The following TOM1L2 variants were observed in gnomAD, a reference collection of about 807,000 sequenced individuals.
The protein encoded by TOM1L2 is TOM1-like protein 2.
TOM1L2 carries 31 observed loss-of-function variants against 67.9 expected under a neutral mutation model. The observed-to-expected ratio is 0.46, with a 90% CI of 0.34 to 0.62. The LOEUF (loss-of-function observed/expected upper bound fraction) is 0.62. Ranked by LOEUF, TOM1L2 falls within the 20% of genes least tolerant of loss-of-function variation. The pLI is 0.01. For synonymous variants in TOM1L2, 256 were observed against 254.0 expected (o/e 1.01, Z -0.07); for missense variants, 606 against 663.5 (o/e 0.91, Z 0.95).
chr17:17,870,498 C>T (rs1211528727), intron 7 of TOM1L2, among the ~76,000 whole-genome samples: 1 of 152,208 alleles, frequency 6.6e-6, no homozygotes. Flanking sequence ...GTGTGCCATA[C>T]AGGGTTAAAG....
At position 17,884,635 on chromosome 17, in the gene TOM1L2, C is replaced by G. The variant is rs773028858; in HGVS notation, c.500G>C (p.Arg167Pro). The G allele has an allele frequency of 6.2e-7, 1 of 1,614,006 alleles. No individual in the cohort carries two copies. Residue 167 changes from arginine (R) to proline (P), a missense_variant and splice_region_variant, in exon 5 of 15, where the codon CGG (arginine) becomes CCG (proline). Arg to Pro is a moderately radical substitution (Grantham distance 103). This residue lies in a region of TOM1L2 where 543 missense variants were observed against 554.0 expected (regional missense o/e 0.98). Transcript: ENST00000379504. ...DALSPIHTPQ[R>P]SVPEVDPAAT... ...AGAAAGTGCCAGCTGGAAGCTTACCCGCTGTGGTGTGTGTATGGGAGACAG... is the reference window on the plus strand; with the variant it reads ...AGAAAGTGCCAGCTGGAAGCTTACCGGCTGTGGTGTGTGTATGGGAGACAG...
intron 1 of TOM1L2, among the ~76,000 whole-genome samples, chr17:17,969,159 C>T (rs1333060533): frequency 6.6e-6 from 1 of 151,508 alleles, no homozygotes; most frequent in Non-Finnish European, 1.5e-5. Context: ...CAGGTTCAAG[C>T]GATTCTCCTG....
intron 2 of TOM1L2, among the ~76,000 whole-genome samples, chr17:17,900,278 G>C (rs1427548937): frequency 6.6e-6 from 1 of 151,656 alleles, no homozygotes; most frequent in African/African-American, 2.4e-5. Flanking sequence ...CCAGGACTTT[G>C]GGAGGCCGAG....
intron 1 of TOM1L2, among the ~76,000 whole-genome samples, chr17:17,967,232 AC>A (rs2041904295): frequency 6.6e-6 from 1 of 152,280 alleles, no homozygotes; most frequent in Non-Finnish European, 1.5e-5. Context: ...AAACTCTGCA[AC>A]AGAATATCTG....
chr17:17,934,419 G>A (rs1440845168), intron 1 of TOM1L2, among the ~76,000 whole-genome samples: 1 of 152,114 alleles, frequency 6.6e-6, no homozygotes, highest in African/African-American at 2.4e-5. Context: ...TCCAGCCAGG[G>A]AGACAGAGTG....
intron 1 of TOM1L2, among the ~76,000 whole-genome samples, chr17:17,911,777 T>C (rs2144488401): frequency 6.8e-6 from 1 of 147,600 alleles, no homozygotes; most frequent in South Asian, 2.2e-4. Context: ...AGGTCTCTGG[T>C]TTTCCTAGGC....
chr17:17,898,520 G>C, intron 3 of TOM1L2, 76 bp downstream of exon 3: 2 of 1,466,436 alleles, frequency 1.4e-6, no homozygotes, highest in Non-Finnish European at 1.9e-6. Context: ...GCAGAGGGAA[G>C]GCCCTGTGAG....
chr17:17,936,585 T>TAA (rs1385431026), intron 1 of TOM1L2, among the ~76,000 whole-genome samples: 2 of 152,096 alleles, frequency 1.3e-5, no homozygotes, highest in African/African-American at 4.8e-5. Context: ...AGAAAAGAAA[T>TAA]AATCTAAATG....
At chr17:17,922,455 T>G (rs2039916154) in intron 1 of TOM1L2, among the ~76,000 whole-genome samples, 1 of 152,050 alleles carries the variant, frequency 6.6e-6, no homozygotes, top group Admixed American at 6.5e-5. Context: ...GGTAACAGCA[T>G]GGGGGCTGTA....
At chr17:17,873,160 C>T (rs1432174837) in intron 7 of TOM1L2, among the ~76,000 whole-genome samples, 1 of 152,214 alleles carries the variant, frequency 6.6e-6, no homozygotes, top group Non-Finnish European at 1.5e-5. Context: ...ACTCATCCTT[C>T]AAGGCCTCAG....
At chr17:17,917,307 C>T (rs1044968656) in intron 1 of TOM1L2, among the ~76,000 whole-genome samples, 8 of 151,948 alleles carry the variant, frequency 5.3e-5, no homozygotes, top group Non-Finnish European at 1.0e-4. Context: ...GCACTCCAGC[C>T]TGGGCGACAG....
At chr17:17,920,628 GC>G (rs2039822773) in intron 1 of TOM1L2, among the ~76,000 whole-genome samples, 1 of 146,828 alleles carries the variant, frequency 6.8e-6, no homozygotes, top group African/African-American at 2.5e-5. Flanking sequence ...GTGAGCCACT[GC>G]GCCCGGCTTT....
At chr17:17,930,623 T>G (rs2040292242) in intron 1 of TOM1L2, among the ~76,000 whole-genome samples, 1 of 152,222 alleles carries the variant, frequency 6.6e-6, no homozygotes, top group Non-Finnish European at 1.5e-5. Context: ...AGCCCTTTAT[T>G]AACTTTCCTT....
chr17:17,940,677 T>C (rs1345236974), intron 1 of TOM1L2, among the ~76,000 whole-genome samples: 2 of 152,196 alleles, frequency 1.3e-5, no homozygotes, highest in African/African-American at 4.8e-5. Context: ...AGGCAAATTC[T>C]TTTCCTAATT....
In TOM1L2 at chr17:17,907,505, T is replaced by G; in HGVS notation, c.79A>C (p.Ser27Arg). ...TCCATATTCAACGTCCAATCCTCACTTTGCAGGGAGCCATCTGTTGCCTTT... is the reference window on the plus strand; with the variant it reads ...TCCATATTCAACGTCCAATCCTCACGTTGCAGGGAGCCATCTGTTGCCTTT... Reference protein sequence around the residue: ...LEKATDGSLQSEDWTLNMEIC... With the variant: ...LEKATDGSLQREDWTLNMEIC... The change falls in exon 2 of 15, where the codon AGT becomes CGT. Residue 27 changes from serine (S) to arginine (R), a missense_variant. Transcript: ENST00000379504. 1 of 1,614,008 alleles carries G rather than the reference T, an allele frequency of 6.2e-7. No homozygotes were observed. The highest frequency in any genetic ancestry group is 1.1e-5 in the South Asian group (1 of 91,078).
At chr17:17,891,593 C>G (rs2038276704) in intron 4 of TOM1L2, among the ~76,000 whole-genome samples, 1 of 152,214 alleles carries the variant, frequency 6.6e-6, no homozygotes, top group East Asian at 1.9e-4. Flanking sequence ...GCTAGCCACC[C>G]TGCTGGGCCC....
intron 7 of TOM1L2, among the ~76,000 whole-genome samples, chr17:17,878,551 C>G (rs2143994189): frequency 6.6e-6 from 1 of 152,336 alleles, no homozygotes; most frequent in South Asian, 2.1e-4. Flanking sequence ...TAAGCAGCAA[C>G]TTGGGACCAG....
At position 17,970,924 on chromosome 17, in the gene TOM1L2, C is replaced by G. The variant is rs535911441; in HGVS notation, c.52+1338G>C. On this transcript the variant is annotated intron_variant, in intron 1 of 14. Transcript: ENST00000379504. Reference sequence around the variant, plus strand: ...GAATCCAGTTTTCAAACAAACTAATCAGCATTCTTGACTGATCAAGTGGCA... The same window carrying G: ...GAATCCAGTTTTCAAACAAACTAATGAGCATTCTTGACTGATCAAGTGGCA... Among the ~76,000 whole-genome samples, 3 of 152,198 alleles carry G rather than the reference C, an allele frequency of 2.0e-5. No homozygotes were observed. The South Asian group carries it at 6.2e-4, about 31-fold the overall frequency.
At chr17:17,912,594 C>T (rs1208609288) in intron 1 of TOM1L2, among the ~76,000 whole-genome samples, 2 of 150,654 alleles carry the variant, frequency 1.3e-5, no homozygotes, top group African/African-American at 2.5e-5. Flanking sequence ...GATGGGCGGC[C>T]GGGCAGAGAC....
Sources: gnomAD v4.1 joint callset for allele counts (sites outside exome capture counted in the v4.1 genomes callset) on GRCh38, gnomAD v4.1.1 for gene constraint, gnomAD v4.1.1 regional missense constraint, MANE v1.5 for transcripts, NCBI Gene and HGNC (gene_info 2026-07-23, HGNC 2026-07-21) for gene names.